Variants in NLGN1 observed in about 807,000 individuals in gnomAD.
NLGN1 encodes the protein neuroligin-1.
A neutral mutation model predicts 65.5 loss-of-function variants in NLGN1; 12 were observed. The observed-to-expected ratio is 0.18, with a 90% CI of 0.12 to 0.30. The LOEUF (loss-of-function observed/expected upper bound fraction) is 0.30. Among genes scored for constraint, NLGN1 ranks in the 10% least tolerant of loss-of-function variants. NLGN1 has a pLI of 1.00. For synonymous variants in NLGN1, 350 were observed against 359.5 expected, an observed-to-expected ratio of 0.97 and a Z score of 0.30; for missense variants, 750 against 1,007.1, an observed-to-expected ratio of 0.74 and a Z score of 3.46.
intron 4 of NLGN1, among the ~76,000 whole-genome samples, chr3:174,079,801 T>C (rs901741870): frequency 2.0e-5 from 3 of 152,114 alleles, no homozygotes; most frequent in Admixed American, 6.5e-5. Flanking sequence ...AACCAAATAG[T>C]GCATGTTCTC....
At chr3:174,016,555 T>C (rs1423058320) in intron 4 of NLGN1, among the ~76,000 whole-genome samples, 1 of 152,114 alleles carries the variant, frequency 6.6e-6, no homozygotes, top group Non-Finnish European at 1.5e-5. Flanking sequence ...ACACCCTCAA[T>C]GTAGTAGCAT....
chr3:173,408,551 A>C (rs1430894684), intron 1 of NLGN1, among the ~76,000 whole-genome samples: 2 of 152,182 alleles, frequency 1.3e-5, no homozygotes, highest in Non-Finnish European at 2.9e-5. Flanking sequence ...TAGGGAGGGA[A>C]TCTTTCAGAA....
At chr3:173,780,878 A>G (rs150713021) in intron 3 of NLGN1, among the ~76,000 whole-genome samples, 2,346 of 152,268 alleles carry the variant, frequency 0.015, 70 homozygotes, top group African/African-American at 0.054. Flanking sequence ...ACAGTGGTTC[A>G]TGCCTGTAAT....
intron 4 of NLGN1, among the ~76,000 whole-genome samples, chr3:173,933,550 G>A (rs1344993936): frequency 6.6e-6 from 1 of 152,072 alleles, no homozygotes; most frequent in Admixed American, 6.6e-5. Flanking sequence ...TTAGCTTGCC[G>A]CAAATGGCAA....
At chr3:173,717,230 G>T (rs775774967) in intron 3 of NLGN1, among the ~76,000 whole-genome samples, 6 of 152,108 alleles carry the variant, frequency 3.9e-5, no homozygotes, top group Admixed American at 1.3e-4. Flanking sequence ...GATGTGATCT[G>T]TTCTAAAATG....
At chr3:173,650,452 G>T (rs553044510) in intron 3 of NLGN1, among the ~76,000 whole-genome samples, 1 of 152,102 alleles carries the variant, frequency 6.6e-6, no homozygotes, top group Non-Finnish European at 1.5e-5. Flanking sequence ...AATGGTTATT[G>T]TATAGTTTAC....
chr3:173,959,900 A>T (rs931265179), intron 4 of NLGN1, among the ~76,000 whole-genome samples: 34 of 151,964 alleles, frequency 2.2e-4, no homozygotes, highest in African/African-American at 8.2e-4. Flanking sequence ...ATTTTCACCC[A>T]CTTTTCCGTT....
At chr3:174,086,478 C>G (rs1021395565) in intron 4 of NLGN1, among the ~76,000 whole-genome samples, 1 of 151,236 alleles carries the variant, frequency 6.6e-6, no homozygotes, top group Admixed American at 6.6e-5. Context: ...AAAATATTCA[C>G]TACATGCTCT....
intron 4 of NLGN1, among the ~76,000 whole-genome samples, chr3:174,035,714 A>T (rs567238094): frequency 2.6e-5 from 4 of 152,306 alleles, no homozygotes; most frequent in African/African-American, 9.6e-5. Context: ...GCATGGCTTC[A>T]TGTTGCCGAT....
chr3:173,604,216 T>C (rs1751013046), intron 2 of NLGN1, 63 bp from the exon 2 acceptor site: 1 of 178,050 alleles, frequency 5.6e-6, no homozygotes, highest in East Asian at 1.5e-4. Context: ...TTGTAAAACA[T>C]CTAGTTATCA....
At chr3:173,810,206 T>C (rs568994376) in intron 4 of NLGN1, among the ~76,000 whole-genome samples, 1 of 152,346 alleles carries the variant, frequency 6.6e-6, no homozygotes, top group Non-Finnish European at 1.5e-5. Context: ...AACATTTGTT[T>C]CAGCATACTT....
chr3:174,005,078 T>C (rs554565056), intron 4 of NLGN1, among the ~76,000 whole-genome samples: 7 of 152,186 alleles, frequency 4.6e-5, no homozygotes, highest in Non-Finnish European at 1.0e-4. Flanking sequence ...TTAAATAGTA[T>C]TATATGCTAT....
the NLGN1 span, among the ~76,000 whole-genome samples, chr3:174,294,098 T>C: frequency 6.6e-6 from 1 of 151,634 alleles, no homozygotes; most frequent in Admixed American, 6.6e-5. Flanking sequence ...CCACAAACAG[T>C]GTATTAAAGT....
At chr3:173,697,807 G>C (rs1766456176) in intron 3 of NLGN1, among the ~76,000 whole-genome samples, 1 of 152,106 alleles carries the variant, frequency 6.6e-6, no homozygotes, top group Non-Finnish European at 1.5e-5. Context: ...TGGGATTACA[G>C]GCGTGAGCCA....
At chr3:174,207,109 TC>T (rs1444253337) in intron 4 of NLGN1, among the ~76,000 whole-genome samples, 1 of 152,054 alleles carries the variant, frequency 6.6e-6, no homozygotes, top group Admixed American at 6.5e-5. Context: ...TTTTTCTTTT[TC>T]TTCTTCTTCC....
At chr3:173,927,468 G>A (rs1743219295) in intron 4 of NLGN1, among the ~76,000 whole-genome samples, 1 of 152,014 alleles carries the variant, frequency 6.6e-6, no homozygotes, top group Non-Finnish European at 1.5e-5. Flanking sequence ...TCATGACATA[G>A]GCTCAGAAAC....
chr3:173,902,054 G>A (rs1737479610), intron 4 of NLGN1, among the ~76,000 whole-genome samples: 1 of 152,092 alleles, frequency 6.6e-6, no homozygotes, highest in Non-Finnish European at 1.5e-5. Context: ...TCCCTACACA[G>A]ATAGCCCTTG....
chr3:174,289,942 TG>T (rs1425768171), downstream of NLGN1, among the ~76,000 whole-genome samples: 1 of 72,086 alleles, frequency 1.4e-5, no homozygotes, highest in African/African-American at 5.7e-5. Flanking sequence ...TATATATGTA[TG>T]TATATATATG....
At chr3:173,408,802 C>T (rs1711852729) in intron 1 of NLGN1, among the ~76,000 whole-genome samples, 1 of 151,328 alleles carries the variant, frequency 6.6e-6, no homozygotes, top group South Asian at 2.1e-4. Context: ...ATTCCAGCTA[C>T]TTGGGAGGCT....
Sources: gnomAD v4.1 joint callset for allele counts (sites outside exome capture counted in the v4.1 genomes callset) on GRCh38, gnomAD v4.1.1 for gene constraint, MANE v1.5 for transcripts, NCBI Gene and HGNC (gene_info 2026-07-23, HGNC 2026-07-21) for gene names.